Variants in UNC13C observed in about 807,000 individuals in gnomAD.
UNC13C encodes protein unc-13 homolog C.
In UNC13C, 174 loss-of-function variants were observed where a neutral mutation model predicts 245.4. The ratio of observed to expected loss-of-function variants is 0.71; its 90% CI spans 0.63 to 0.80. UNC13C has a LOEUF of 0.80. UNC13C is among the 30% of genes least tolerant of loss of function. UNC13C has a pLI of 0.00. For missense variants in UNC13C, 2,829 were observed against 2,602.9 expected, an observed-to-expected ratio of 1.09 and a Z score of -1.89; for synonymous variants, 992 against 895.1, an observed-to-expected ratio of 1.11 and a Z score of -1.93.
chr15:54,625,981 G>A (rs1901115350), intron 32 of UNC13C, among the ~76,000 whole-genome samples: 1 of 152,004 alleles, frequency 6.6e-6, no homozygotes, highest in Non-Finnish European at 1.5e-5. Context: ...AAAGTACAAA[G>A]TTTAGTTACC....
chr15:53,843,452 A>G, the UNC13C span, among the ~76,000 whole-genome samples: 1 of 151,994 alleles, frequency 6.6e-6, no homozygotes, highest in Non-Finnish European at 1.5e-5. Context: ...GCAGAGTGAA[A>G]TCTTATCTCA....
chr15:54,385,239 A>G (rs1249617888), intron 17 of UNC13C, among the ~76,000 whole-genome samples: 4 of 152,136 alleles, frequency 2.6e-5, no homozygotes, highest in South Asian at 2.1e-4. Flanking sequence ...CACCGCTTCT[A>G]TTCAACATAG....
rs987325193 is a variant in UNC13C, at chr15:54,164,003, A to G, written c.3071+20319A>G. Among the ~76,000 whole-genome samples, 3 of 152,138 alleles carry G rather than the reference A, an allele frequency of 2.0e-5. No individual in the cohort carries two copies. In the East Asian group the frequency reaches 5.8e-4, roughly 29 times the overall value. On this transcript the variant is annotated intron_variant, in intron 4 of 32. Transcript: ENST00000260323. ...GCATTTGGTATGGTGGGAGTTTGCTAAGAGAGTGGATTGTAGATGCTCTTA... is the reference window on the plus strand; with the variant it reads ...GCATTTGGTATGGTGGGAGTTTGCTGAGAGAGTGGATTGTAGATGCTCTTA...
chr15:54,159,300 C>G (rs2032879495), intron 4 of UNC13C, among the ~76,000 whole-genome samples: 1 of 152,180 alleles, frequency 6.6e-6, no homozygotes, highest in East Asian at 1.9e-4. Flanking sequence ...GCAGAATGAA[C>G]ACAGTAAATA....
intron 18 of UNC13C, among the ~76,000 whole-genome samples, chr15:54,395,927 T>A (rs7170707): frequency 0.037 from 5,627 of 151,868 alleles, 349 homozygotes; most frequent in African/African-American, 0.13. Context: ...ATTAATGAAC[T>A]ACAGTGTTTA....
intron 10 of UNC13C, among the ~76,000 whole-genome samples, chr15:54,292,770 CTG>C (rs1416675664): frequency 6.6e-6 from 1 of 151,038 alleles, no homozygotes; most frequent in Admixed American, 6.6e-5. Flanking sequence ...ATGTAAGTAT[CTG>C]TGGTTGTATT....
intron 19 of UNC13C, among the ~76,000 whole-genome samples, chr15:54,463,114 TA>T (rs1891947701): frequency 6.6e-6 from 1 of 151,656 alleles, no homozygotes; most frequent in Admixed American, 6.6e-5. Context: ...TGTGTCTAGC[TA>T]AAGGATTGTA....
In UNC13C at chr15:54,623,784, C is replaced by G; in HGVS notation, c.6200-11C>G. 1 of 1,577,802 alleles carries G rather than the reference C, an allele frequency of 6.3e-7. No individual in the cohort carries two copies. Among genetic ancestry groups the G allele is most frequent in the Non-Finnish European group, 8.7e-7 (1 of 1,154,524 alleles). Reference sequence around the variant, plus strand: ...TCTGTTTGCTAAAATGTGATATTTCCTTTTTTTTAGTGATTGCTATTAATG... The same window carrying G: ...TCTGTTTGCTAAAATGTGATATTTCGTTTTTTTTAGTGATTGCTATTAATG... On this transcript the variant is annotated splice_polypyrimidine_tract_variant and intron_variant, in intron 31 of 32. Coordinates refer to ENST00000260323, the MANE Select transcript of UNC13C (RefSeq NM_001080534.3).
At chr15:54,455,164 C>CTCTCTCTCT (rs1891404906) in intron 19 of UNC13C, among the ~76,000 whole-genome samples, 1 of 17,514 alleles carries the variant, frequency 5.7e-5, no homozygotes, top group Non-Finnish European at 1.1e-4. Flanking sequence ...GAGTCATATT[C>CTCTCTCTCT]CTCTCTCTCT....
the UNC13C span, among the ~76,000 whole-genome samples, chr15:53,873,923 T>TCTTC: frequency 0.2 from 9,321 of 47,076 alleles, 419 homozygotes; most frequent in Middle Eastern, 0.26. Context: ...TTCCTTCCTT[T>TCTTC]CTTCCTTCCT....
intron 8 of UNC13C, among the ~76,000 whole-genome samples, chr15:54,259,992 A>G (rs1371714086): frequency 6.6e-6 from 1 of 152,108 alleles, no homozygotes; most frequent in Non-Finnish European, 1.5e-5. Context: ...ATAACACATT[A>G]AATTAACCCA....
At chr15:54,187,916 T>C (rs1315460755) in intron 4 of UNC13C, among the ~76,000 whole-genome samples, 1 of 152,112 alleles carries the variant, frequency 6.6e-6, no homozygotes, top group Non-Finnish European at 1.5e-5. Context: ...TGCAAGTGAT[T>C]CTCCTGCCTC....
chr15:54,533,097 T>C (rs1295286051), intron 26 of UNC13C, 31 bp downstream of exon 26: 1 of 1,558,070 alleles, frequency 6.4e-7, no homozygotes, highest in Non-Finnish European at 8.7e-7. Flanking sequence ...TTCTCTTTAC[T>C]TATTGCCCTA....
chr15:54,167,870 A>T (rs1159075049), intron 4 of UNC13C, among the ~76,000 whole-genome samples: 1 of 152,158 alleles, frequency 6.6e-6, no homozygotes, highest in Non-Finnish European at 1.5e-5. Flanking sequence ...AAGCATATGG[A>T]AAAATGCACA....
chr15:54,449,171 T>A (rs1288695512), intron 19 of UNC13C, among the ~76,000 whole-genome samples: 3 of 152,238 alleles, frequency 2.0e-5, no homozygotes, highest in Non-Finnish European at 4.4e-5. Flanking sequence ...CTTCCCTTTG[T>A]GGGTAACCCG....
At chr15:54,367,941 G>A (rs1442122696) in intron 17 of UNC13C, among the ~76,000 whole-genome samples, 1 of 152,094 alleles carries the variant, frequency 6.6e-6, no homozygotes, top group African/African-American at 2.4e-5. Context: ...AGTGGCTACT[G>A]TATTGGAAAA....
chr15:54,442,182 C>G (rs934284770), intron 19 of UNC13C, among the ~76,000 whole-genome samples: 3 of 150,390 alleles, frequency 2.0e-5, no homozygotes, highest in Non-Finnish European at 4.4e-5. Context: ...CCTGATTGCT[C>G]TAGCAAGGAC....
chr15:53,935,156 TA>T, the UNC13C span, among the ~76,000 whole-genome samples: 76,078 of 149,982 alleles, frequency 0.51, 19,584 homozygotes, highest in Middle Eastern at 0.57. Flanking sequence ...TCCTCCTGAT[TA>T]AAAAAAAAAA....
At chr15:54,110,916 C>A (rs904579950) in intron 2 of UNC13C, among the ~76,000 whole-genome samples, 1 of 152,298 alleles carries the variant, frequency 6.6e-6, no homozygotes, top group East Asian at 1.9e-4. Flanking sequence ...TTTGCATATA[C>A]CATTGCACTT....
Sources: gnomAD v4.1 joint callset for allele counts (sites outside exome capture counted in the v4.1 genomes callset) on GRCh38, gnomAD v4.1.1 for gene constraint, MANE v1.5 for transcripts, NCBI Gene and HGNC (gene_info 2026-07-23, HGNC 2026-07-21) for gene names.